The following GPM6A variants were observed in gnomAD, a reference collection of about 807,000 sequenced individuals.
GPM6A encodes the protein glycoprotein M6A.
A neutral mutation model predicts 32.1 loss-of-function variants in GPM6A; 7 were observed. That is an observed-to-expected ratio of 0.22 (90% CI 0.12 to 0.41). The LOEUF is 0.41. GPM6A is among the 10% of genes least tolerant of loss of function. GPM6A has a pLI of 1.00. For synonymous variants in GPM6A, 130 were observed against 123.4 expected, an observed-to-expected ratio of 1.05 and a Z score of -0.35; for missense variants, 235 against 347.2, an observed-to-expected ratio of 0.68 and a Z score of 2.57.
intron 1 of GPM6A, among the ~76,000 whole-genome samples, chr4:175,785,088 A>C (rs1733746874): frequency 6.6e-6 from 1 of 152,286 alleles, no homozygotes; most frequent in South Asian, 2.1e-4. Flanking sequence ...AACAGAAGTG[A>C]ATTTCTCCCA....
At chr4:175,647,106 A>G (rs901184137) in intron 4 of GPM6A, among the ~76,000 whole-genome samples, 1 of 152,236 alleles carries the variant, frequency 6.6e-6, no homozygotes, top group Admixed American at 6.5e-5. Context: ...GCTTTATGGA[A>G]ATAAGATAAA....
At chr4:175,982,744 T>C (rs1170676720) in intron 1 of GPM6A, among the ~76,000 whole-genome samples, 1 of 152,170 alleles carries the variant, frequency 6.6e-6, no homozygotes, top group Non-Finnish European at 1.5e-5. Flanking sequence ...TGCCTTTCCA[T>C]ATGAATTTGA....
At chr4:175,933,374 C>G (rs978518600) in intron 1 of GPM6A, among the ~76,000 whole-genome samples, 5 of 152,102 alleles carry the variant, frequency 3.3e-5, no homozygotes, top group African/African-American at 7.2e-5. Context: ...TAGAGTAACA[C>G]TAAGTCTCAT....
intron 1 of GPM6A, among the ~76,000 whole-genome samples, chr4:175,883,345 A>G (rs1325399851): frequency 1.3e-5 from 2 of 152,144 alleles, no homozygotes; most frequent in Non-Finnish European, 2.9e-5. Context: ...AAACAGAAGA[A>G]ATTTATTTTA....
intron 1 of GPM6A, among the ~76,000 whole-genome samples, chr4:175,735,704 C>T (rs575908554): frequency 5.3e-5 from 8 of 152,048 alleles, no homozygotes; most frequent in African/African-American, 9.6e-5. Flanking sequence ...GGATTACAGG[C>T]GTGTGCCACC....
rs1012307342 is a variant in GPM6A at position 175,670,967 on chromosome 4, G to A, written c.387+2713C>T. 2.0e-5 allele frequency among the ~76,000 whole-genome samples: 3 copies of A among 150,620 alleles called. No individual in the cohort carries two copies. In the East Asian group the frequency reaches 5.9e-4, roughly 30 times the overall value. ...CAACCTCTGCCTCCTGGGTTCAAGC[G>A]ATTCTCCTGCCTCAGCCTCCCAAGT... is the stretch of plus-strand genomic sequence containing the variant. On this transcript the variant is annotated intron_variant, in intron 3 of 6. Coordinates refer to ENST00000393658, the MANE Select transcript of GPM6A (RefSeq NM_201591.3).
intron 4 of GPM6A, chr4:175,641,168 C>T (rs998581157): frequency 3.9e-6 from 1 of 253,774 alleles, no homozygotes; most frequent in Non-Finnish European, 7.6e-6. Context: ...TTAACTATGC[C>T]CCAGACTGTG....
chr4:175,640,267 C>T, intron 5 of GPM6A, 73 bp from the exon 6 acceptor site: 3 of 1,160,676 alleles, frequency 2.6e-6, no homozygotes, highest in Non-Finnish European at 3.9e-6. Context: ...TTGCTACTGT[C>T]TTATAAACAA....
chr4:175,813,314 C>T (rs578208867), upstream of GPM6A, among the ~76,000 whole-genome samples: 1 of 152,300 alleles, frequency 6.6e-6, no homozygotes, highest in South Asian at 2.1e-4. Flanking sequence ...GAATGCAAAT[C>T]ACAATGCTGC....
chr4:175,785,150 G>A (rs1733750163), intron 1 of GPM6A, among the ~76,000 whole-genome samples: 1 of 152,142 alleles, frequency 6.6e-6, no homozygotes, highest in African/African-American at 2.4e-5. Context: ...TAATCTCTAA[G>A]ATCACTTGCT....
chr4:175,929,383 G>A (rs1050435679), intron 1 of GPM6A, among the ~76,000 whole-genome samples: 9 of 152,172 alleles, frequency 5.9e-5, no homozygotes, highest in Admixed American at 3.9e-4. Context: ...GAAGTTATAG[G>A]GGCCGTTGTT....
At chr4:175,680,415 A>G (rs1421416236) in intron 2 of GPM6A, among the ~76,000 whole-genome samples, 1 of 152,210 alleles carries the variant, frequency 6.6e-6, no homozygotes. Context: ...TACAAAAATC[A>G]TATCTATCTA....
chr4:175,727,610 A>T (rs752439547), intron 1 of GPM6A, among the ~76,000 whole-genome samples: 1 of 152,192 alleles, frequency 6.6e-6, no homozygotes, highest in Non-Finnish European at 1.5e-5. Context: ...TTTGTGTCTC[A>T]TAGTTAACTG....
At chr4:175,682,598 A>T (rs1420707702) in intron 2 of GPM6A, among the ~76,000 whole-genome samples, 3 of 152,160 alleles carry the variant, frequency 2.0e-5, no homozygotes, top group Non-Finnish European at 4.4e-5. Context: ...TCAGGGGACA[A>T]GTCCAGGGCC....
At chr4:175,813,147 C>A (rs1184863762), upstream of GPM6A, 8 of 823,726 alleles carry the variant, frequency 9.7e-6, no homozygotes, top group Non-Finnish European at 1.2e-5. Flanking sequence ...ATGATTATAG[C>A]CCACGAAAGC....
At chr4:175,648,033 T>G (rs1434054270) in intron 4 of GPM6A, among the ~76,000 whole-genome samples, 1 of 152,162 alleles carries the variant, frequency 6.6e-6, no homozygotes, top group Admixed American at 6.6e-5. Context: ...TTGTAAACAT[T>G]GGTAAGCTTC....
intron 1 of GPM6A, among the ~76,000 whole-genome samples, chr4:175,769,981 C>A (rs1350682843): frequency 6.6e-6 from 1 of 152,094 alleles, no homozygotes; most frequent in Non-Finnish European, 1.5e-5. Context: ...GCACGTTTGA[C>A]CTATTATAAT....
intron 1 of GPM6A, among the ~76,000 whole-genome samples, chr4:175,724,774 T>C (rs892325207): frequency 1.3e-5 from 2 of 152,256 alleles, no homozygotes; most frequent in Non-Finnish European, 2.9e-5. Flanking sequence ...AAACCCGCAG[T>C]AGCTTCTCAT....
chr4:175,731,542 G>A (rs1023955521), intron 1 of GPM6A, among the ~76,000 whole-genome samples: 2 of 152,146 alleles, frequency 1.3e-5, no homozygotes, highest in Non-Finnish European at 2.9e-5. Context: ...ACAGTGCCCA[G>A]CACAATATCT....
Sources: allele counts gnomAD v4.1 joint callset (sites outside exome capture counted in the v4.1 genomes callset), GRCh38; gene constraint gnomAD v4.1.1; transcripts MANE v1.5; gene names NCBI Gene and HGNC (gene_info 2026-07-23, HGNC 2026-07-21).